The following TPGS2 variants were observed in gnomAD, a reference collection of about 807,000 sequenced individuals.
TPGS2 encodes polyglutamylase subunit 2.
Under a neutral mutation model 31.1 loss-of-function variants are expected in TPGS2, and 26 were observed. The observed-to-expected ratio is 0.84, with a 90% CI of 0.61 to 1.16. The LOEUF is 1.16. Ranked by LOEUF, TPGS2 falls within the 50% of genes most tolerant of loss-of-function variation. The pLI is 0.00. For synonymous variants in TPGS2, 130 were observed against 136.6 expected, an observed-to-expected ratio of 0.95 and a Z score of 0.34; for missense variants, 351 against 363.8, an observed-to-expected ratio of 0.96 and a Z score of 0.29.
In TPGS2 at chr18:36,795,641, A is replaced by C; in HGVS notation, c.*1164T>G. On this transcript the variant is annotated 3_prime_UTR_variant, in exon 7 of 7. Transcript: ENST00000334295. The stretch of plus-strand genomic sequence containing the variant: ...TTTCATTAAATGTAGTAGGTATGTC[A>C]GATTTATCTTGTGTCAAATATTAAG... 1.0e-6 allele frequency: 1 copy of C among 985,490 alleles called. No individual in the cohort carries two copies. Among genetic ancestry groups the C allele is most frequent in the South Asian group, 4.7e-5 (1 of 21,290 alleles). 61.0% of individuals were successfully genotyped at this position (985,490 alleles called of 1,614,324 possible). A position where few individuals can be genotyped will look rare whatever the true frequency, so the allele number is the denominator to read the frequency against.
Position 36,797,056 on chromosome 18 carries a change from A to C in TPGS2, c.658-6T>G. On this transcript the variant is annotated splice_region_variant and splice_polypyrimidine_tract_variant and intron_variant, in intron 6 of 6. Coordinates refer to ENST00000334295, the MANE Select transcript of TPGS2 (RefSeq NM_015476.4). ...TTATACATGCTGAACCATTGCTGTA[A>C]GGCAGAATTGGAAGACAAGGTCACA... 1 of 1,593,202 alleles carries C rather than the reference A, an allele frequency of 6.3e-7. No homozygotes were observed. The highest frequency in any genetic ancestry group is 8.5e-7 in the Non-Finnish European group (1 of 1,173,078).
chr18:36,790,334 G>C (rs193088798), downstream of TPGS2, among the ~76,000 whole-genome samples: 47 of 152,326 alleles, frequency 3.1e-4, no homozygotes, highest in East Asian at 7.1e-3. Flanking sequence ...TATCACCTGG[G>C]AATCCTGTTC....
At chr18:36,798,415 C>A in intron 6 of TPGS2, 34 bp downstream of exon 6, 1 of 1,613,672 alleles carries the variant, frequency 6.2e-7, no homozygotes, top group Non-Finnish European at 8.5e-7. Context: ...TTGGAATATA[C>A]CATAGTTTAC....
chr18:36,794,497 G>A lies in TPGS2; in HGVS notation c.*2308C>T, dbSNP rs73947017. 5.6e-4 allele frequency: 547 copies of A among 985,338 alleles called. 2 individuals are homozygous for A. In the African/African-American group the frequency reaches 8.3e-3, roughly 15 times the overall value. 61.0% of individuals were successfully genotyped at this position (985,338 alleles called of 1,614,324 possible). ...CTGATTTAGAAATGCTGTGATTCGGGGGATCTCCAAGTACTAAAAAAGGGG... is the reference window on the plus strand; with the variant it reads ...CTGATTTAGAAATGCTGTGATTCGGAGGATCTCCAAGTACTAAAAAAGGGG... On this transcript the variant is annotated 3_prime_UTR_variant, in exon 7 of 7. Coordinates refer to ENST00000334295, the MANE Select transcript of TPGS2 (RefSeq NM_015476.4).
At chr18:36,825,323 C>CCGGGAGGATGAGG (rs2046083227) in intron 1 of TPGS2, among the ~76,000 whole-genome samples, 2 of 151,254 alleles carry the variant, frequency 1.3e-5, no homozygotes, top group African/African-American at 4.9e-5. Context: ...TCCCAGCTGC[C>CCGGGAGGATGAGG]CGGGAGGATG....
In TPGS2 at chr18:36,794,998, C is replaced by CAAAG. The variant is rs2044460953; in HGVS notation, c.*1803_*1806dup. 3 of 985,198 alleles carry CAAAG rather than the reference C, an allele frequency of 3.0e-6. No homozygotes were observed. The highest frequency in any genetic ancestry group is 3.5e-5 in the African/African-American group (2 of 57,180). The allele number at this position is 985,198 out of a possible 1,614,324, so 61.0% of individuals were successfully genotyped here. ...TAATACGAAGCTCAGTTTATGCTCC[C>CAAAG]AAAGACTCTTAAGCGCTGATATTTC... On this transcript the variant is annotated 3_prime_UTR_variant, in exon 7 of 7. Coordinates refer to ENST00000334295, the MANE Select transcript of TPGS2 (RefSeq NM_015476.4).
chr18:36,808,543 C>T (rs1160270537), intron 2 of TPGS2, among the ~76,000 whole-genome samples: 2 of 151,776 alleles, frequency 1.3e-5, no homozygotes, highest in African/African-American at 2.4e-5. Flanking sequence ...GAGGCTGAGG[C>T]AGGAGAATGG....
chr18:36,809,727 A>G (rs2045330362), intron 2 of TPGS2, among the ~76,000 whole-genome samples: 2 of 152,160 alleles, frequency 1.3e-5, no homozygotes, highest in South Asian at 2.1e-4. Context: ...AAAGGACAGC[A>G]TTGCTCTGAC....
chr18:36,822,697 T>C (rs1188033076), intron 1 of TPGS2, among the ~76,000 whole-genome samples: 3 of 152,152 alleles, frequency 2.0e-5, no homozygotes, highest in Admixed American at 6.5e-5. Context: ...TGGGCTCAAG[T>C]GATCCTCCCA....
chr18:36,804,097 G>C (rs1288833654), intron 4 of TPGS2, among the ~76,000 whole-genome samples: 1 of 152,116 alleles, frequency 6.6e-6, no homozygotes, highest in Non-Finnish European at 1.5e-5. Flanking sequence ...CAAGTAGCTA[G>C]GAATACAGGC....
chr18:36,798,913 G>A (rs562936593), intron 5 of TPGS2, among the ~76,000 whole-genome samples: 2 of 152,276 alleles, frequency 1.3e-5, no homozygotes, highest in East Asian at 1.9e-4. Context: ...TTTTCTGTGT[G>A]TCATAGCATT....
In TPGS2 at chr18:36,818,984, A is replaced by G; in HGVS notation, c.86-11T>C. On this transcript the variant is annotated splice_polypyrimidine_tract_variant and intron_variant, in intron 1 of 6. Coordinates refer to ENST00000334295, the MANE Select transcript of TPGS2 (RefSeq NM_015476.4). ...CACCTGGGGAAGATTCTGGAAGAGA[A>G]AAAAGAGTCTGTAGAGTTGCAATTG... is the stretch of plus-strand genomic sequence containing the variant. The G allele has an allele frequency of 6.2e-7, 1 of 1,610,846 alleles. No individual in the cohort carries two copies. Among genetic ancestry groups the G allele is most frequent in the Non-Finnish European group, 8.5e-7 (1 of 1,178,016 alleles).
intron 2 of TPGS2, among the ~76,000 whole-genome samples, chr18:36,812,067 T>C (rs1159486268): frequency 6.6e-6 from 1 of 152,226 alleles, no homozygotes; most frequent in Non-Finnish European, 1.5e-5. Flanking sequence ...GTGACAGATA[T>C]GCCTGGCCAC....
At chr18:36,803,830 T>C (rs558847378) in intron 4 of TPGS2, among the ~76,000 whole-genome samples, 1 of 152,194 alleles carries the variant, frequency 6.6e-6, no homozygotes, top group Non-Finnish European at 1.5e-5. Flanking sequence ...TAAATCTCCT[T>C]AAGTATTCTT....
chr18:36,811,121 G>C (rs979439863), intron 2 of TPGS2, among the ~76,000 whole-genome samples: 1 of 152,202 alleles, frequency 6.6e-6, no homozygotes, highest in Non-Finnish European at 1.5e-5. Context: ...GTCCATCAAG[G>C]AGCATGAGAA....
chr18:36,781,058 T>C (rs567921693), downstream of TPGS2, among the ~76,000 whole-genome samples: 105 of 152,352 alleles, frequency 6.9e-4, no homozygotes, highest in Non-Finnish European at 1.2e-3. Flanking sequence ...ATGTGGTCTA[T>C]AGTGAACCAA....
intron 1 of TPGS2, 152 bp downstream of exon 1, chr18:36,828,531 T>C (rs968260226): frequency 3.6e-5 from 29 of 804,762 alleles, no homozygotes; most frequent in Non-Finnish European, 5.3e-5. Context: ...CAAACCCAGG[T>C]CCCCCACTTT....
At chr18:36,800,598 T>C (rs2044757994) in intron 4 of TPGS2, among the ~76,000 whole-genome samples, 2 of 152,156 alleles carry the variant, frequency 1.3e-5, no homozygotes, top group African/African-American at 4.8e-5. Context: ...CAGAGCAATC[T>C]GAATGGCTTG....
chr18:36,803,501 T>C (rs749607489), intron 4 of TPGS2, among the ~76,000 whole-genome samples: 2 of 152,228 alleles, frequency 1.3e-5, no homozygotes, highest in Non-Finnish European at 2.9e-5. Flanking sequence ...AACTTGGGTC[T>C]AGGTGGGCCC....
Sources: allele counts gnomAD v4.1 joint callset (sites outside exome capture counted in the v4.1 genomes callset), GRCh38; gene constraint gnomAD v4.1.1; transcripts MANE v1.5; gene names NCBI Gene and HGNC (gene_info 2026-07-23, HGNC 2026-07-21).